Variants in FARP2 observed in about 807,000 individuals in gnomAD.
FARP2 encodes FERM, ARHGEF and pleckstrin domain-containing protein 2.
FARP2 carries 111 observed loss-of-function variants against 130.5 expected under a neutral mutation model. The ratio of observed to expected loss-of-function variants is 0.85; its 90% CI spans 0.73 to 1.00. The LOEUF is 1.00. Among genes scored for constraint, FARP2 ranks in the 50% least tolerant of loss-of-function variants. FARP2 has a pLI of 0.00. For missense variants in FARP2, 1,385 were observed against 1,346.3 expected (o/e 1.03, Z -0.45); for synonymous variants, 504 against 516.9 (o/e 0.98, Z 0.34).
At chr2:241,491,714 G>C (rs1449193201) in intron 24 of FARP2, 35 bp downstream of exon 24, 3 of 1,557,084 alleles carry the variant, frequency 1.9e-6, no homozygotes, top group African/African-American at 2.7e-5. Context: ...AGTGCATCTG[G>C]AATGTTCCCA....
chr2:241,476,215 A>T lies in FARP2; in HGVS notation c.2262+228A>T, dbSNP rs1391282997. On this transcript the variant is annotated intron_variant, in intron 19 of 26. Transcript: ENST00000264042. ...CAGGGAAACCCCATTTCTATGAATT[A>T]AAAAAAAAAAAAAAAAAAAAGAATT... Among the ~76,000 whole-genome samples the T allele has an allele frequency of 7.6e-4, 51 of 66,898 alleles. No individual in the cohort carries two copies. The East Asian group carries it at 0.019, about 24-fold the overall frequency. The allele number at this position is 66,898 out of a possible 152,430, so 43.9% of individuals were successfully genotyped here.
At chr2:241,453,673 G>T (rs141678693) in intron 13 of FARP2, among the ~76,000 whole-genome samples, 2 of 149,858 alleles carry the variant, frequency 1.3e-5, no homozygotes, top group Admixed American at 6.7e-5. Context: ...TTTAACCTCC[G>T]TAGGACCAAA....
intron 14 of FARP2, among the ~76,000 whole-genome samples, chr2:241,457,735 C>T (rs112004752): frequency 7.3e-6 from 1 of 137,560 alleles, no homozygotes; most frequent in Admixed American, 7.1e-5. Flanking sequence ...TGGAGAGGCT[C>T]TTGGGCGGGA....
In FARP2 at chr2:241,394,500, A is replaced by G. The variant is rs199824634; in HGVS notation, c.184-9328A>G. Reference sequence around the variant, plus strand: ...GCCACTGCACTCCAGCCTGGGTGACAGTGCGAGACTCCATCTCAAAAAAAA... The same window carrying G: ...GCCACTGCACTCCAGCCTGGGTGACGGTGCGAGACTCCATCTCAAAAAAAA... On this transcript the variant is annotated intron_variant, in intron 2 of 26. Transcript: ENST00000264042. Among the ~76,000 whole-genome samples, 36 of 148,898 alleles carry G rather than the reference A, an allele frequency of 2.4e-4. 2 individuals are homozygous for G. Among genetic ancestry groups the G allele is most frequent in the Admixed American group, 1.5e-3 (21 of 14,358 alleles).
chr2:241,363,570 C>T (rs140573847), intron 1 of FARP2, among the ~76,000 whole-genome samples: 5 of 152,314 alleles, frequency 3.3e-5, no homozygotes, highest in African/African-American at 9.6e-5. Flanking sequence ...GAGCTATGCA[C>T]GCGTGATGTG....
chr2:241,449,776 A>G (rs539162749), intron 13 of FARP2, among the ~76,000 whole-genome samples: 10 of 152,310 alleles, frequency 6.6e-5, no homozygotes, highest in African/African-American at 1.9e-4. Flanking sequence ...AGGAGGGTGG[A>G]TCACAAGGTC....
intron 1 of FARP2, 22 bp from the exon 2 acceptor site, chr2:241,373,062 G>GTTTTT: frequency 1.1e-6 from 1 of 927,900 alleles, no homozygotes; most frequent in Non-Finnish European, 1.4e-6. Context: ...CCTTCATGTG[G>GTTTTT]TTTTTTTTTT....
chr2:241,359,708 G>A (rs957743179), intron 1 of FARP2, among the ~76,000 whole-genome samples: 1 of 152,134 alleles, frequency 6.6e-6, no homozygotes. Flanking sequence ...TTTCTCAGTC[G>A]TCTCCCTTTC....
intron 13 of FARP2, chr2:241,442,533 A>G: frequency 2.2e-6 from 1 of 453,004 alleles, no homozygotes; most frequent in Non-Finnish European, 4.4e-6. Context: ...ACCCATCTTG[A>G]CCACTCTGGG....
At chr2:241,457,434 AAAGATC>A (rs1335646892) in intron 14 of FARP2, among the ~76,000 whole-genome samples, 17 of 135,220 alleles carry the variant, frequency 1.3e-4, no homozygotes, top group Middle Eastern at 4.0e-3. Context: ...CCCAGTGTAG[AAAGATC>A]TGGGTGCTAA....
Position 241,493,299 on chromosome 2 carries a change from T to C in FARP2, c.2902T>C (p.Tyr968His). 1 of 1,613,798 alleles carries C rather than the reference T, an allele frequency of 6.2e-7. No homozygotes were observed. Among genetic ancestry groups the C allele is most frequent in the East Asian group, 2.2e-5 (1 of 44,888 alleles). ...TCCCTATGCTGTCTTGCAGGATGAC[T>C]ACCCACTGGCCAGCCTCCCGCTGCT... Reference protein sequence around the residue: ...LFFYKTHQDDYPLASLPLLGY... With the variant: ...LFFYKTHQDDHPLASLPLLGY... Residue 968 changes from tyrosine to histidine, a missense_variant, in exon 26 of 27, where the codon TAC (tyrosine) becomes CAC (histidine). Tyr to His is a moderately conservative substitution (Grantham distance 83). Coordinates refer to ENST00000264042, the MANE Select transcript of FARP2 (RefSeq NM_014808.4).
chr2:241,410,429 C>A (rs1302556986), intron 5 of FARP2, among the ~76,000 whole-genome samples: 2 of 96,322 alleles, frequency 2.1e-5, no homozygotes, highest in African/African-American at 8.4e-5. Flanking sequence ...AGGCTAATTT[C>A]TTTCTTTTTT....
chr2:241,388,889 A>G (rs566408461), intron 2 of FARP2, among the ~76,000 whole-genome samples: 27 of 152,274 alleles, frequency 1.8e-4, no homozygotes, highest in African/African-American at 6.0e-4. Context: ...TTTGTATTGA[A>G]GCCTTACCAC....
chr2:241,405,935 G>GA (rs558747097), intron 4 of FARP2, among the ~76,000 whole-genome samples: 29 of 148,672 alleles, frequency 2.0e-4, no homozygotes, highest in East Asian at 4.0e-4. Flanking sequence ...CTGCATCTGA[G>GA]AAAAAAAAAG....
intron 23 of FARP2, 26 bp downstream of exon 23, chr2:241,491,205 G>A (rs149385532): frequency 2.0e-6 from 3 of 1,535,100 alleles, no homozygotes; most frequent in Non-Finnish European, 2.7e-6. Flanking sequence ...AACCCCCCAG[G>A]AGACCTCCAC....
chr2:241,490,889 A>C (rs1030409747), intron 22 of FARP2, among the ~76,000 whole-genome samples, 172 bp from the exon 23 acceptor site: 8 of 152,092 alleles, frequency 5.3e-5, no homozygotes, highest in Non-Finnish European at 1.0e-4. Flanking sequence ...GGTCCCTCCC[A>C]GCTCTCCTCC....
At chr2:241,477,887 C>G (rs1026248488) in intron 19 of FARP2, 1 of 152,844 alleles carries the variant, frequency 6.5e-6, no homozygotes, top group African/African-American at 2.4e-5. Flanking sequence ...AAATCCTTTG[C>G]CCACCTTTTA....
intron 14 of FARP2, among the ~76,000 whole-genome samples, chr2:241,460,321 G>T (rs1321497709): frequency 1.3e-5 from 2 of 152,126 alleles, no homozygotes; most frequent in African/African-American, 2.4e-5. Flanking sequence ...CGTCTCTGTT[G>T]CCCAGGCTGG....
chr2:241,465,864 C>T, intron 17 of FARP2: 1 of 1,500,962 alleles, frequency 6.7e-7, no homozygotes. Context: ...ATAGGTTTTG[C>T]TGTTCTGTGT....
Sources: gnomAD v4.1 joint callset for allele counts (sites outside exome capture counted in the v4.1 genomes callset) on GRCh38, gnomAD v4.1.1 for gene constraint, MANE v1.5 for transcripts, NCBI Gene and HGNC (gene_info 2026-07-23, HGNC 2026-07-21) for gene names.